Variants in MOV10L1 observed in about 807,000 individuals in gnomAD.
The protein encoded by MOV10L1 is Mov10 like RNA helicase 1, also known as RNA helicase Mov10l1.
A neutral mutation model predicts 143.8 loss-of-function variants in MOV10L1; 110 were observed. The observed-to-expected ratio is 0.76, with a 90% CI of 0.66 to 0.90. The LOEUF (loss-of-function observed/expected upper bound fraction) is 0.90, where lower values mean the gene tolerates loss of function less well. MOV10L1 is among the 40% of genes least tolerant of loss of function. The probability of loss-of-function intolerance (pLI) is 0.00; values close to 1 mark genes in which losing one functional copy is unlikely to be tolerated. For synonymous variants in MOV10L1, 593 were observed against 581.1 expected, an observed-to-expected ratio of 1.02 and a Z score of -0.29; for missense variants, 1,406 against 1,526.8, an observed-to-expected ratio of 0.92 and a Z score of 1.32.
intron 3 of MOV10L1, among the ~76,000 whole-genome samples, chr22:50,102,236 T>G (rs999335723): frequency 6.6e-6 from 1 of 152,120 alleles, no homozygotes; most frequent in Non-Finnish European, 1.5e-5. Flanking sequence ...AGAACTTTTT[T>G]GAAAGAGAAA....
intron 6 of MOV10L1, among the ~76,000 whole-genome samples, 184 bp downstream of exon 6, chr22:50,113,972 G>T (rs1291055924): frequency 1.4e-5 from 2 of 139,560 alleles, no homozygotes; most frequent in African/African-American, 5.5e-5. Flanking sequence ...GGGCTGGAGT[G>T]CAGTGGCGCG....
intron 14 of MOV10L1, 95 bp from the exon 15 acceptor site, chr22:50,134,435 A>G: frequency 1.1e-6 from 1 of 935,808 alleles, no homozygotes; most frequent in Middle Eastern, 2.2e-4. Context: ...GGAATAGAAT[A>G]TTAATTGCTT....
chr22:50,141,272 G>A (rs1339992843), intron 15 of MOV10L1, among the ~76,000 whole-genome samples: 1 of 152,000 alleles, frequency 6.6e-6, no homozygotes, highest in Non-Finnish European at 1.5e-5. Context: ...TCTTGACCTT[G>A]TGATCTGCCC....
chr22:50,114,283 A>G, intron 6 of MOV10L1, 98 bp from the exon 7 acceptor site: 1 of 1,383,832 alleles, frequency 7.2e-7, no homozygotes, highest in Non-Finnish European at 9.9e-7. Flanking sequence ...GTGTATTTGC[A>G]GTCACCACTT....
At chr22:50,115,400 A>T (rs942730514) in intron 8 of MOV10L1, among the ~76,000 whole-genome samples, 154 bp downstream of exon 8, 2 of 152,120 alleles carry the variant, frequency 1.3e-5, no homozygotes, top group African/African-American at 4.8e-5. Context: ...CCCCGCCTCT[A>T]CTAAAAATAC....
chr22:50,157,246 TA>T (rs2063449329), intron 22 of MOV10L1, among the ~76,000 whole-genome samples: 1 of 151,534 alleles, frequency 6.6e-6, no homozygotes, highest in African/African-American at 2.4e-5. Flanking sequence ...ATTAACTTCT[TA>T]TATACTATTT....
chr22:50,108,750 C>T lies in MOV10L1; in HGVS notation c.649C>T (p.Pro217Ser). The T allele has an allele frequency of 1.2e-6, 2 of 1,614,214 alleles. No homozygotes were observed. Among genetic ancestry groups the T allele is most frequent in the Non-Finnish European group, 1.7e-6 (2 of 1,180,042 alleles). ...DSLKLPDGYTPRRGDVVNAVV... is the reference protein window; with the variant it reads ...DSLKLPDGYTSRRGDVVNAVV... Reference sequence around the variant, plus strand: ...CTTGAAACTGCCAGATGGGTACACACCCCGGAGAGGTGACGTGGTCAATGC... The same window carrying T: ...CTTGAAACTGCCAGATGGGTACACATCCCGGAGAGGTGACGTGGTCAATGC... The change falls in exon 5 of 27, where the codon CCC (proline) becomes TCC (serine). Residue 217 changes from proline (P) to serine (S), a missense_variant. By Grantham distance (74) the Pro-to-Ser change is moderately conservative. Around this residue, in one of 3 missense-constraint regions of MOV10L1, gnomAD observed 1,233 missense variants for 1,351.4 expected, o/e 0.91. Transcript: ENST00000262794.
chr22:50,147,848 A>G (rs978280598), intron 19 of MOV10L1, among the ~76,000 whole-genome samples: 39 of 152,264 alleles, frequency 2.6e-4, no homozygotes, highest in Non-Finnish European at 4.6e-4. Context: ...TGATTTCCAC[A>G]TCTTTCACTG....
chr22:50,113,557 C>T, intron 5 of MOV10L1, 91 bp from the exon 6 acceptor site: 1 of 1,509,972 alleles, frequency 6.6e-7, no homozygotes, highest in Non-Finnish European at 8.9e-7. Context: ...CTCTGAGTGC[C>T]CCCACCAGCA....
intron 10 of MOV10L1, among the ~76,000 whole-genome samples, chr22:50,123,450 G>T (rs1039052635): frequency 6.6e-6 from 1 of 152,024 alleles, no homozygotes; most frequent in African/African-American, 2.4e-5. Context: ...CTGCAGCCTC[G>T]AGCTCCTGGG....
chr22:50,156,652 C>G (rs2063434762), intron 22 of MOV10L1, among the ~76,000 whole-genome samples: 1 of 152,196 alleles, frequency 6.6e-6, no homozygotes, highest in African/African-American at 2.4e-5. Flanking sequence ...GCTTATTGCA[C>G]TGAGCATCAT....
chr22:50,123,469 A>G (rs550852437), intron 10 of MOV10L1, among the ~76,000 whole-genome samples: 14 of 152,152 alleles, frequency 9.2e-5, no homozygotes, highest in East Asian at 7.7e-4. Context: ...GGCTCAAGCA[A>G]TCCTCCCACC....
intron 22 of MOV10L1, among the ~76,000 whole-genome samples, chr22:50,154,230 C>T (rs1282834869): frequency 6.6e-6 from 1 of 152,126 alleles, no homozygotes; most frequent in African/African-American, 2.4e-5. Flanking sequence ...CCTGCTAGCT[C>T]TGCCCATCCT....
At chr22:50,125,687 T>G in intron 11 of MOV10L1, 118 bp downstream of exon 11, 1 of 1,110,322 alleles carries the variant, frequency 9.0e-7, no homozygotes, top group East Asian at 2.5e-5. Context: ...TTCTTTTGGG[T>G]TAGAATTTCA....
At chr22:50,125,609 A>G (rs575020905) in intron 11 of MOV10L1, 40 bp downstream of exon 11, 2 of 1,580,612 alleles carry the variant, frequency 1.3e-6, no homozygotes, top group East Asian at 2.2e-5. Flanking sequence ...GTGGACTAGC[A>G]GAGAAACCAT....
At chr22:50,127,317 C>G (rs545610978) in intron 12 of MOV10L1, among the ~76,000 whole-genome samples, 1 of 152,354 alleles carries the variant, frequency 6.6e-6, no homozygotes, top group East Asian at 1.9e-4. Flanking sequence ...TGATCAAACC[C>G]TGGCATCTGA....
rs140007445 is a variant in MOV10L1 at position 50,090,405 on chromosome 22, C to T, written c.97+220C>T. The T allele has an allele frequency of 1.8e-4, 282 of 1,569,856 alleles. No homozygotes were observed. The African/African-American group carries it at 2.1e-3, about 12-fold the overall frequency. On this transcript the variant is annotated intron_variant, in intron 1 of 26. Coordinates refer to ENST00000262794, the MANE Select transcript of MOV10L1 (RefSeq NM_018995.3). ...GCGCCCGTCCTCTGTGAGGTCTCTC[C>T]GGTGACACCAGCCCCTCTTCCCGCC...
chr22:50,143,645 G>A (rs2147354676), intron 17 of MOV10L1, among the ~76,000 whole-genome samples: 1 of 152,326 alleles, frequency 6.6e-6, no homozygotes, highest in Middle Eastern at 3.4e-3. Context: ...GCCTGTTTCA[G>A]GTTCATCAAG....
In MOV10L1 at chr22:50,090,116, G is replaced by C; in HGVS notation, c.28G>C (p.Ala10Pro). The change falls in exon 1 of 27, where the codon GCC (alanine) becomes CCC (proline). Residue 10 changes from alanine to proline, a missense_variant. Ala to Pro is a conservative substitution (Grantham distance 27). Coordinates refer to ENST00000262794, the MANE Select transcript of MOV10L1 (RefSeq NM_018995.3). Reference sequence around the variant, plus strand: ...GCTGAGCCTCGCAGCCAAGCTGGTGGCCTTCTTCTGGAGGACGGCGGACAC... The same window carrying C: ...GCTGAGCCTCGCAGCCAAGCTGGTGCCCTTCTTCTGGAGGACGGCGGACAC... Reference protein sequence around the residue: MLSLAAKLVAFFWRTADTPR... With the variant: MLSLAAKLVPFFWRTADTPR... 1 of 1,368,396 alleles carries C rather than the reference G, an allele frequency of 7.3e-7. No individual in the cohort carries two copies. Among genetic ancestry groups the C allele is most frequent in the Non-Finnish European group, 9.4e-7 (1 of 1,061,052 alleles). The allele number at this position is 1,368,396 out of a possible 1,614,324, so 84.8% of individuals were successfully genotyped here.
Sources: gnomAD v4.1 joint callset for allele counts (sites outside exome capture counted in the v4.1 genomes callset) on GRCh38, gnomAD v4.1.1 for gene constraint, gnomAD v4.1.1 regional missense constraint, MANE v1.5 for transcripts, NCBI Gene and HGNC (gene_info 2026-07-23, HGNC 2026-07-21) for gene names.